The following ZNF75D variants were observed in gnomAD, a reference collection of about 807,000 sequenced individuals.
The protein encoded by ZNF75D is zinc finger protein 75D.
In ZNF75D, 33 loss-of-function variants were observed where a neutral mutation model predicts 33.3. The ratio of observed to expected loss-of-function variants is 0.99; its 90% CI spans 0.75 to 1.32. The LOEUF (loss-of-function observed/expected upper bound fraction) is 1.32. Among genes scored for constraint, ZNF75D ranks in the 40% most tolerant of loss-of-function variants. The probability of loss-of-function intolerance (pLI) is 0.00; values close to 1 mark genes in which losing one functional copy is unlikely to be tolerated. For missense variants in ZNF75D, 338 were observed against 367.5 expected, an observed-to-expected ratio of 0.92 and a Z score of 0.66; for synonymous variants, 113 against 130.6, an observed-to-expected ratio of 0.87 and a Z score of 0.92.
chrX:135,278,207 T>G (rs1556417921), intron 1 of ZNF75D, among the ~76,000 whole-genome samples: 1 of 111,623 alleles, frequency 9.0e-6, no homozygotes, highest in Non-Finnish European at 1.9e-5. Flanking sequence ...GTCCTTCACA[T>G]CCCTTGTAAG....
intron 1 of ZNF75D, among the ~76,000 whole-genome samples, chrX:135,257,932 G>A: frequency 9.2e-6 from 1 of 108,886 alleles, no homozygotes; most frequent in South Asian, 4.0e-4. Context: ...ATTCACATTA[G>A]GTATTTCTCC....
Position 135,286,996 on chromosome X carries a change from G to T in ZNF75D, c.*141C>A. On this transcript the variant is annotated 3_prime_UTR_variant, in exon 7 of 7. Transcript: ENST00000370766. ...AGAAGATGCAATGCTGAATAAAACA[G>T]ACAGCTTAGATTCCTTTTTGTGAAG... 1 of 501,774 alleles carries T rather than the reference G, an allele frequency of 2.0e-6. No individual in the cohort carries two copies. Among genetic ancestry groups the T allele is most frequent in the Non-Finnish European group, 3.3e-6 (1 of 301,814 alleles). The allele number at this position is 501,774 out of a possible 1,213,427, so 41.4% of individuals were successfully genotyped here.
Position 135,343,942 on chromosome X carries a change from T to C in ZNF75D, c.-2565A>G, listed in dbSNP as rs1383595902. On this transcript the variant is annotated 5_prime_UTR_variant, in exon 1 of 7. Transcript: ENST00000370766. ...CCGGGAGGCACAAAAGCAGGCAGCT[T>C]TCTCCTGTCTGTGTTGGACCCACGC... 1 of 111,847 alleles carries C rather than the reference T, an allele frequency of 8.9e-6. No homozygotes were observed. Among genetic ancestry groups the C allele is most frequent in the African/African-American group, 3.3e-5 (1 of 30,720 alleles). The allele number at this position is 111,847 out of a possible 1,213,427, so 9.2% of individuals were successfully genotyped here.
intron 1 of ZNF75D, among the ~76,000 whole-genome samples, chrX:135,274,196 A>G (rs970121530): frequency 1.8e-5 from 2 of 112,240 alleles, no homozygotes; most frequent in East Asian, 2.8e-4. Context: ...TGTTGTGTCC[A>G]CCAAATTGTC....
intron 6 of ZNF75D, 76 bp downstream of exon 6, chrX:135,290,933 C>T: frequency 1.0e-6 from 1 of 997,669 alleles, no homozygotes. Context: ...GACTCTCTCA[C>T]AGGGGTGCAT....
chrX:135,259,327 T>A (rs1194914832), intron 1 of ZNF75D, among the ~76,000 whole-genome samples: 1 of 112,073 alleles, frequency 8.9e-6, no homozygotes, highest in Non-Finnish European at 1.9e-5. Flanking sequence ...TCCAATTCTG[T>A]GAAGAAAGTC....
intron 1 of ZNF75D, among the ~76,000 whole-genome samples, chrX:135,328,463 T>A (rs1444129173): frequency 9.0e-6 from 1 of 111,625 alleles, no homozygotes; most frequent in Non-Finnish European, 1.9e-5. Context: ...TTCCTGTGCC[T>A]GTCTCCTGCC....
intron 1 of ZNF75D, among the ~76,000 whole-genome samples, chrX:135,310,088 C>T (rs1359517142): frequency 9.8e-5 from 11 of 112,185 alleles, no homozygotes; most frequent in Non-Finnish European, 1.9e-5. Context: ...GAAAAGACAT[C>T]GTTTAAGAGC....
At chrX:135,265,024 G>C (rs782316505) in intron 1 of ZNF75D, among the ~76,000 whole-genome samples, 2 of 111,493 alleles carry the variant, frequency 1.8e-5, no homozygotes, top group African/African-American at 6.5e-5. Flanking sequence ...TTCGAGACCA[G>C]CCTGGCCAAA....
chrX:135,329,799 A>G (rs1462456840), intron 1 of ZNF75D, among the ~76,000 whole-genome samples: 2 of 112,459 alleles, frequency 1.8e-5, no homozygotes, highest in Non-Finnish European at 3.8e-5. Flanking sequence ...CATCAGATAT[A>G]CCTGAATATG....
At chrX:135,271,354 T>C (rs2083882443) in intron 1 of ZNF75D, among the ~76,000 whole-genome samples, 1 of 112,235 alleles carries the variant, frequency 8.9e-6, no homozygotes, top group Non-Finnish European at 1.9e-5. Context: ...GTCGTGAATA[T>C]ATGTGTACTC....
chrX:135,256,125 C>G (rs1307222302), intron 1 of ZNF75D, among the ~76,000 whole-genome samples: 1 of 31,810 alleles, frequency 3.1e-5, no homozygotes, highest in African/African-American at 1.3e-4. Flanking sequence ...CACTGGAACA[C>G]CAGATTTTAA....
chrX:135,302,647 G>T (rs185834278), intron 1 of ZNF75D, among the ~76,000 whole-genome samples: 18 of 112,020 alleles, frequency 1.6e-4, no homozygotes, highest in Admixed American at 4.7e-4. Flanking sequence ...AACAGTAACC[G>T]TAGTCAGTCG....
chrX:135,291,297 T>TA (rs1392664572), intron 5 of ZNF75D, 162 bp from the exon 6 acceptor site: 1 of 804,654 alleles, frequency 1.2e-6, no homozygotes, highest in Non-Finnish European at 1.8e-6. Flanking sequence ...AGAGGATCAG[T>TA]AAATCACCTG....
intron 1 of ZNF75D, among the ~76,000 whole-genome samples, chrX:135,325,999 A>T (rs1312471945): frequency 8.9e-6 from 1 of 111,804 alleles, no homozygotes; most frequent in Non-Finnish European, 1.9e-5. Flanking sequence ...TGTCTAGCTC[A>T]GGGTTTGTGA....
chrX:135,299,481 G>A (rs1556423979), intron 1 of ZNF75D, among the ~76,000 whole-genome samples: 1 of 111,672 alleles, frequency 9.0e-6, no homozygotes. Context: ...ACTGTTATTT[G>A]TCTTTTATTA....
intron 1 of ZNF75D, among the ~76,000 whole-genome samples, chrX:135,274,538 C>T (rs1310479400): frequency 9.0e-6 from 1 of 111,277 alleles, no homozygotes; most frequent in Non-Finnish European, 1.9e-5. Context: ...CAAAAATACC[C>T]ATGTATTTAA....
chrX:135,282,640 G>C (rs1357748223), downstream of ZNF75D, among the ~76,000 whole-genome samples: 8 of 111,749 alleles, frequency 7.2e-5, no homozygotes, highest in Non-Finnish European at 1.5e-4. Flanking sequence ...GGAATCCCCT[G>C]GTCTGTGGGT....
intron 1 of ZNF75D, among the ~76,000 whole-genome samples, chrX:135,314,982 T>C (rs1270815394): frequency 1.8e-5 from 2 of 112,114 alleles, no homozygotes; most frequent in African/African-American, 6.5e-5. Context: ...TTTAAGTTTC[T>C]TTACTTCTAA....
Sources: gnomAD v4.1 joint callset for allele counts (sites outside exome capture counted in the v4.1 genomes callset) on GRCh38, gnomAD v4.1.1 for gene constraint, MANE v1.5 for transcripts, NCBI Gene and HGNC (gene_info 2026-07-23, HGNC 2026-07-21) for gene names.